The following IL1RAPL2 variants were observed in gnomAD, a reference collection of about 807,000 sequenced individuals.
IL1RAPL2 encodes interleukin 1 receptor accessory protein like 2.
IL1RAPL2 carries 3 observed loss-of-function variants against 44.1 expected under a neutral mutation model. That is an observed-to-expected ratio of 0.07 (90% CI 0.03 to 0.18). The LOEUF (loss-of-function observed/expected upper bound fraction) is 0.18, where lower values mean the gene tolerates loss of function less well. Ranked by LOEUF, IL1RAPL2 falls within the 10% of genes least tolerant of loss-of-function variation. IL1RAPL2 has a pLI of 1.00. For missense variants in IL1RAPL2, 391 were observed against 496.4 expected (o/e 0.79, Z 2.02); for synonymous variants, 181 against 178.8 (o/e 1.01, Z -0.10).
intron 2 of IL1RAPL2, among the ~76,000 whole-genome samples, chrX:105,027,580 T>A (rs761490243): frequency 9.0e-6 from 1 of 111,657 alleles, no homozygotes; most frequent in Non-Finnish European, 1.9e-5. Context: ...GAAAAGGTGC[T>A]CAACATCATT....
rs533897318 is a variant in IL1RAPL2 at position 104,710,663 on chromosome X, C to T, written c.82+51668C>T. On this transcript the variant is annotated intron_variant, in intron 2 of 10. Coordinates refer to ENST00000372582, the MANE Select transcript of IL1RAPL2 (RefSeq NM_017416.2). Reference sequence around the variant, plus strand: ...CATTTTATGTACAGATGTACATATACTCATTTGCTGCGTAACATGGGTCAA... The same window carrying T: ...CATTTTATGTACAGATGTACATATATTCATTTGCTGCGTAACATGGGTCAA... 1.3e-3 allele frequency among the ~76,000 whole-genome samples: 145 copies of T among 111,194 alleles called. 1 individual carries two copies. Among genetic ancestry groups the T allele is most frequent in the African/African-American group, 4.5e-3 (139 of 30,721 alleles).
intron 4 of IL1RAPL2, among the ~76,000 whole-genome samples, chrX:105,259,118 C>G (rs1370409198): frequency 8.9e-6 from 1 of 111,749 alleles, no homozygotes; most frequent in Non-Finnish European, 1.9e-5. Flanking sequence ...GATGTTTTCA[C>G]TGGGCTGAGG....
chrX:105,424,173 C>T (rs764296843), intron 5 of IL1RAPL2, among the ~76,000 whole-genome samples: 41 of 112,393 alleles, frequency 3.6e-4, no homozygotes, highest in African/African-American at 1.3e-3. Flanking sequence ...GACACAGCTT[C>T]AGGAGGTCCT....
At chrX:105,211,378 CTG>C (rs1556157628) in intron 3 of IL1RAPL2, among the ~76,000 whole-genome samples, 4 of 111,495 alleles carry the variant, frequency 3.6e-5, no homozygotes, top group African/African-American at 1.3e-4. Flanking sequence ...CTGGCATCCT[CTG>C]TATGTAGCCC....
At chrX:105,312,397 A>G (rs983858334) in intron 5 of IL1RAPL2, among the ~76,000 whole-genome samples, 1 of 111,639 alleles carries the variant, frequency 9.0e-6, no homozygotes, top group Non-Finnish European at 1.9e-5. Context: ...TCAATTCCTC[A>G]AAATAGTTCC....
chrX:104,580,552 T>C (rs1287769406), intron 1 of IL1RAPL2, among the ~76,000 whole-genome samples: 1 of 112,332 alleles, frequency 8.9e-6, no homozygotes, highest in East Asian at 2.8e-4. Flanking sequence ...CAACATAAGA[T>C]TGTCAGACCA....
intron 2 of IL1RAPL2, among the ~76,000 whole-genome samples, chrX:105,156,405 A>G (rs2033269100): frequency 1.8e-5 from 2 of 111,671 alleles, no homozygotes; most frequent in Non-Finnish European, 1.9e-5. Context: ...TTTCCAGTGC[A>G]GTTTACTGAG....
chrX:104,599,027 T>G (rs1928821492), intron 1 of IL1RAPL2, among the ~76,000 whole-genome samples: 1 of 112,210 alleles, frequency 8.9e-6, no homozygotes, highest in African/African-American at 3.2e-5. Context: ...TGTAGAAGCT[T>G]GACTGAAGTA....
At chrX:104,904,204 A>G (rs1297714859) in intron 2 of IL1RAPL2, among the ~76,000 whole-genome samples, 1 of 105,416 alleles carries the variant, frequency 9.5e-6, no homozygotes, top group Admixed American at 1.0e-4. Context: ...CTGCTCTAAC[A>G]TGGAAAGTAC....
At chrX:105,263,878 G>T (rs774666200) in intron 4 of IL1RAPL2, among the ~76,000 whole-genome samples, 1 of 111,585 alleles carries the variant, frequency 9.0e-6, no homozygotes. Context: ...TAAATAGTAG[G>T]GGGATTACAC....
chrX:104,938,474 T>C (rs778576339), intron 2 of IL1RAPL2, among the ~76,000 whole-genome samples: 8 of 111,998 alleles, frequency 7.1e-5, no homozygotes, highest in Admixed American at 3.8e-4. Context: ...TGCCTGTGTC[T>C]GAAATGCAAT....
chrX:105,036,915 A>G (rs1275068558), intron 2 of IL1RAPL2, among the ~76,000 whole-genome samples: 1 of 100 alleles, frequency 0.01, no homozygotes, highest in Non-Finnish European at 0.018. Context: ...GAATTACTAT[A>G]TATTTATCTT....
intron 6 of IL1RAPL2, among the ~76,000 whole-genome samples, chrX:105,497,682 A>G (rs1310975204): frequency 8.9e-6 from 1 of 111,889 alleles, no homozygotes; most frequent in Non-Finnish European, 1.9e-5. Flanking sequence ...TCAACAAAAT[A>G]CTAGCAAACT....
chrX:104,940,169 G>A (rs954025143), intron 2 of IL1RAPL2, among the ~76,000 whole-genome samples: 27 of 111,660 alleles, frequency 2.4e-4, no homozygotes, highest in African/African-American at 7.5e-4. Flanking sequence ...ACAAATATCC[G>A]TAAGTTCCTC....
At chrX:105,286,024 C>T (rs1002736547) in intron 5 of IL1RAPL2, among the ~76,000 whole-genome samples, 3 of 111,444 alleles carry the variant, frequency 2.7e-5, no homozygotes, top group African/African-American at 9.8e-5. Flanking sequence ...TGTTTTAATC[C>T]TCAAAACATG....
intron 5 of IL1RAPL2, among the ~76,000 whole-genome samples, chrX:105,412,379 C>T (rs1263921908): frequency 9.3e-6 from 1 of 107,027 alleles, no homozygotes; most frequent in African/African-American, 3.3e-5. Context: ...GAATGAAATC[C>T]TGTCATTTAC....
At chrX:104,750,878 A>T (rs1315849028) in intron 2 of IL1RAPL2, among the ~76,000 whole-genome samples, 1 of 109,725 alleles carries the variant, frequency 9.1e-6, no homozygotes, top group East Asian at 2.9e-4. Flanking sequence ...AACCCAAATT[A>T]AAAAAAAACC....
At chrX:105,494,047 A>C (rs2036339683) in intron 6 of IL1RAPL2, among the ~76,000 whole-genome samples, 1 of 112,110 alleles carries the variant, frequency 8.9e-6, no homozygotes, top group Non-Finnish European at 1.9e-5. Context: ...ACAGAGATCA[A>C]GAAACTAATT....
intron 2 of IL1RAPL2, among the ~76,000 whole-genome samples, chrX:104,795,749 A>G (rs1178541641): frequency 1.8e-5 from 2 of 111,824 alleles, no homozygotes; most frequent in Non-Finnish European, 3.8e-5. Flanking sequence ...CTGCATGAAT[A>G]ATTTGTGTGA....
Sources: gnomAD v4.1 joint callset for allele counts (sites outside exome capture counted in the v4.1 genomes callset) on GRCh38, gnomAD v4.1.1 for gene constraint, MANE v1.5 for transcripts, NCBI Gene and HGNC (gene_info 2026-07-23, HGNC 2026-07-21) for gene names.